Variants in TMPRSS11D observed in about 807,000 individuals in gnomAD.
TMPRSS11D encodes transmembrane protease serine 11D.
Under a neutral mutation model 44.4 loss-of-function variants are expected in TMPRSS11D, and 32 were observed. The ratio of observed to expected loss-of-function variants is 0.72; its 90% confidence interval spans 0.54 to 0.97. The LOEUF is 0.97. TMPRSS11D is among the 50% of genes least tolerant of loss of function. The pLI is 0.00. For missense variants in TMPRSS11D, 446 were observed against 502.6 expected (o/e 0.89, Z 1.08); for synonymous variants, 179 against 177.9 (o/e 1.01, Z -0.05).
chr4:67,856,865 A>C (rs996721811), intron 2 of TMPRSS11D, among the ~76,000 whole-genome samples: 2 of 152,176 alleles, frequency 1.3e-5, no homozygotes, highest in Non-Finnish European at 2.9e-5. Context: ...ACAAATCATC[A>C]ACAGGTACAT....
rs1717648510 is a variant in TMPRSS11D, at chr4:67,821,742, G to A, written c.*595C>T. 6.6e-6 allele frequency: 1 copy of A among 151,974 alleles called. No individual in the cohort carries two copies. Among genetic ancestry groups the A allele is most frequent in the Admixed American group, 6.6e-5 (1 of 15,242 alleles). 9.4% of individuals were successfully genotyped at this position (151,974 alleles called of 1,614,324 possible). On this transcript the variant is annotated 3_prime_UTR_variant, in exon 10 of 10. Coordinates refer to ENST00000283916, the MANE Select transcript of TMPRSS11D (RefSeq NM_004262.3). ...CTGAAAATTATCCACTATTTCCTAT[G>A]GAAGCATGTTCTTACAGAATAATTA...
chr4:67,849,225 G>T (rs902894596), intron 3 of TMPRSS11D, among the ~76,000 whole-genome samples: 2 of 152,158 alleles, frequency 1.3e-5, no homozygotes, highest in African/African-American at 4.8e-5. Context: ...AGGTATTGTT[G>T]GTGGAAAGCT....
intron 1 of TMPRSS11D, among the ~76,000 whole-genome samples, chr4:67,881,056 A>G (rs1284182025): frequency 1.3e-5 from 2 of 152,202 alleles, no homozygotes; most frequent in African/African-American, 4.8e-5. Context: ...CTAAAGCTAG[A>G]GAAGGAATAC....
At chr4:67,867,619 A>G (rs191564982) in intron 1 of TMPRSS11D, among the ~76,000 whole-genome samples, 2 of 152,276 alleles carry the variant, frequency 1.3e-5, no homozygotes, top group Admixed American at 1.3e-4. Flanking sequence ...AAGGAACTCA[A>G]ATAACAACAG....
At chr4:67,861,541 T>A (rs1225133418) in intron 1 of TMPRSS11D, among the ~76,000 whole-genome samples, 1 of 152,098 alleles carries the variant, frequency 6.6e-6, no homozygotes, top group African/African-American at 2.4e-5. Flanking sequence ...AGCTGATATG[T>A]CAGGATCTGT....
intron 1 of TMPRSS11D, among the ~76,000 whole-genome samples, chr4:67,861,981 T>C (rs1204113584): frequency 2.6e-5 from 4 of 152,166 alleles, no homozygotes; most frequent in Non-Finnish European, 5.9e-5. Flanking sequence ...TCATTCATAA[T>C]GCAATGGAAA....
intron 1 of TMPRSS11D, among the ~76,000 whole-genome samples, chr4:67,878,584 C>T (rs1719249047): frequency 6.6e-6 from 1 of 152,136 alleles, no homozygotes; most frequent in Admixed American, 6.5e-5. Flanking sequence ...AACAGCTCTT[C>T]ACTCAAATTA....
At chr4:67,880,295 TA>T (rs1249659669) in intron 1 of TMPRSS11D, among the ~76,000 whole-genome samples, 1 of 152,094 alleles carries the variant, frequency 6.6e-6, no homozygotes, top group Non-Finnish European at 1.5e-5. Flanking sequence ...AATAAAAAAT[TA>T]AAAAGCAAAA....
chr4:67,834,256 T>C (rs1718018259), intron 6 of TMPRSS11D, among the ~76,000 whole-genome samples: 1 of 147,782 alleles, frequency 6.8e-6, no homozygotes, highest in Admixed American at 6.7e-5. Context: ...CACAACCACC[T>C]AAAGGCTTTT....
At chr4:67,869,129 T>G (rs1718994075) in intron 1 of TMPRSS11D, among the ~76,000 whole-genome samples, 1 of 152,228 alleles carries the variant, frequency 6.6e-6, no homozygotes, top group Non-Finnish European at 1.5e-5. Context: ...AGTATTTTTG[T>G]GTTAATTCCC....
chr4:67,855,689 A>G (rs1718619722), intron 2 of TMPRSS11D, among the ~76,000 whole-genome samples: 1 of 152,204 alleles, frequency 6.6e-6, no homozygotes, highest in South Asian at 2.1e-4. Flanking sequence ...TGGAAGTCCT[A>G]ACCAGAGCAA....
chr4:67,839,313 A>G (rs926132547), intron 4 of TMPRSS11D, among the ~76,000 whole-genome samples: 5 of 152,174 alleles, frequency 3.3e-5, no homozygotes, highest in Non-Finnish European at 7.4e-5. Context: ...TGAACAAATA[A>G]TTACAACTTC....
chr4:67,857,195 C>T lies in TMPRSS11D; in HGVS notation c.130+2362G>A, dbSNP rs903480674. Among the ~76,000 whole-genome samples, 11 of 151,172 alleles carry T rather than the reference C, an allele frequency of 7.3e-5. No homozygotes were observed. The South Asian group carries it at 1.3e-3, about 17-fold the overall frequency. ...GATATTTGTACTTGGGTGTTTATCG[C>T]AGCACTGTTCACAATAGCCAAGATG... On this transcript the variant is annotated intron_variant, in intron 2 of 9. Transcript: ENST00000283916.
In TMPRSS11D at chr4:67,833,741, ATGCTCAG is replaced by A. The variant is rs1422373228; in HGVS notation, c.515-367_515-361del. ...TTTCCTTTTTCTCAATAGTCTTGCT[ATGCTCAG>A]TGTGGTTTGTGGGCCTGCAGCATGG... On this transcript the variant is annotated intron_variant, in intron 6 of 9. Coordinates refer to ENST00000283916, the MANE Select transcript of TMPRSS11D (RefSeq NM_004262.3). The A allele has an allele frequency of 3.6e-4, 58 of 162,050 alleles. 1 individual carries two copies. The highest frequency in any genetic ancestry group is 1.3e-3 in the African/African-American group (56 of 42,068). 10.0% of individuals were successfully genotyped at this position (162,050 alleles called of 1,614,324 possible).
At chr4:67,861,175 G>T (rs1233886050) in intron 1 of TMPRSS11D, among the ~76,000 whole-genome samples, 1 of 152,022 alleles carries the variant, frequency 6.6e-6, no homozygotes, top group African/African-American at 2.4e-5. Context: ...TGTCTTATTT[G>T]TTCATTTTGC....
At position 67,827,280 on chromosome 4, in the gene TMPRSS11D, C is replaced by G. The variant is rs1263846384; in HGVS notation, c.933G>C (p.Trp311Cys). The change falls in exon 8 of 10, where the codon TGG (tryptophan) becomes TGC (cysteine). Residue 311 changes from tryptophan (W) to cysteine (C), a missense_variant. Coordinates refer to ENST00000283916, the MANE Select transcript of TMPRSS11D (RefSeq NM_004262.3). ...PPGSTAYVTG[W>C]GAQEYAGHTV... ...ACTTACCAGCATATTCTTGAGCGCC[C>G]CATCCTGTTACATAAGCAGTAGAGC... 3.1e-6 allele frequency: 5 copies of G among 1,608,846 alleles called. No individual in the cohort carries two copies. The highest frequency in any genetic ancestry group is 2.7e-5 in the African/African-American group (2 of 74,576).
At chr4:67,878,061 T>C (rs1719236839) in intron 1 of TMPRSS11D, among the ~76,000 whole-genome samples, 1 of 152,174 alleles carries the variant, frequency 6.6e-6, no homozygotes, top group African/African-American at 2.4e-5. Context: ...TGTAGTAACA[T>C]CTCTGCCCTG....
intron 1 of TMPRSS11D, among the ~76,000 whole-genome samples, chr4:67,868,558 G>A (rs553851440): frequency 6.0e-4 from 91 of 152,260 alleles, no homozygotes; most frequent in African/African-American, 2.1e-3. Context: ...ATGAAGAAAC[G>A]GGAACAGAAG....
At chr4:67,857,048 G>A (rs1486590839) in intron 2 of TMPRSS11D, among the ~76,000 whole-genome samples, 1 of 151,992 alleles carries the variant, frequency 6.6e-6, no homozygotes, top group Admixed American at 6.6e-5. Context: ...ATGTAAACTA[G>A]TGCAGCCATT....
Sources: gnomAD v4.1 joint callset for allele counts (sites outside exome capture counted in the v4.1 genomes callset) on GRCh38, gnomAD v4.1.1 for gene constraint, MANE v1.5 for transcripts, NCBI Gene and HGNC (gene_info 2026-07-23, HGNC 2026-07-21) for gene names.